Variants in SCNN1A observed in about 807,000 individuals in gnomAD.
SCNN1A encodes the protein sodium channel epithelial 1 subunit alpha, also known as epithelial sodium channel subunit alpha.
A neutral mutation model predicts 68.6 loss-of-function variants in SCNN1A; 65 were observed. The ratio of observed to expected loss-of-function variants is 0.95; its 90% CI spans 0.78 to 1.16. The LOEUF (loss-of-function observed/expected upper bound fraction) is 1.16, where lower values mean the gene tolerates loss of function less well. Ranked by LOEUF, SCNN1A falls within the 50% of genes most tolerant of loss-of-function variation. The pLI is 0.00. For missense variants in SCNN1A, 880 were observed against 865.9 expected (o/e 1.02, Z -0.20); for synonymous variants, 357 against 353.3 (o/e 1.01, Z -0.12).
chr12:6,355,572 C>A, intron 5 of SCNN1A, 137 bp from the exon 6 acceptor site: 1 of 1,088,598 alleles, frequency 9.2e-7, no homozygotes, highest in South Asian at 1.4e-5. Flanking sequence ...CGCAAAGGGA[C>A]CTGGCAACCC....
At chr12:6,371,174 C>G (rs1402404609) in intron 2 of SCNN1A, among the ~76,000 whole-genome samples, 1 of 152,098 alleles carries the variant, frequency 6.6e-6, no homozygotes, top group African/African-American at 2.4e-5. Flanking sequence ...CAGCCCTGGG[C>G]AGCTCTGCCT....
In SCNN1A at chr12:6,363,455, G is replaced by A. The variant is rs754885393; in HGVS notation, c.672C>T (p.Ile224=). The change falls in exon 3 of 13, where the codon ATC becomes ATT. Residue 224 remains isoleucine, a synonymous_variant. Transcript: ENST00000228916. The part of the protein sequence containing the change: ...NPQVDWKDWK[I]GFQLCNQNKS... ...CTGCGGGCCTCACCAGCTGGAAGCC[G>A]ATCTTCCAGTCCTTCCAGTCCACCT... is the stretch of plus-strand genomic sequence containing the variant. 1 of 1,591,960 alleles carries A rather than the reference G, an allele frequency of 6.3e-7. No individual in the cohort carries two copies. Among genetic ancestry groups the A allele is most frequent in the Non-Finnish European group, 8.5e-7 (1 of 1,171,064 alleles).
chr12:6,374,329 G>A lies in SCNN1A; in HGVS notation c.416+39C>T. 1 of 1,607,676 alleles carries A rather than the reference G, an allele frequency of 6.2e-7. No individual in the cohort carries two copies. ...CTCAGCACCCTGGACCACCCTTCCA[G>A]GCGCAGGCACCAGGGAAGGGGCAGA... is the stretch of plus-strand genomic sequence containing the variant. On this transcript the variant is annotated intron_variant, in intron 2 of 12. Transcript: ENST00000228916. The surrounding 1 kb of genome is among the most constrained non-coding windows in gnomAD (Gnocchi z 6.2).
At chr12:6,352,676 G>A (rs1045963949) in intron 8 of SCNN1A, among the ~76,000 whole-genome samples, 2 of 152,214 alleles carry the variant, frequency 1.3e-5, no homozygotes, top group Non-Finnish European at 2.9e-5. Context: ...CAGGAGATGA[G>A]GCCAGATGGC....
At chr12:6,360,948 C>T (rs975323176) in intron 4 of SCNN1A, among the ~76,000 whole-genome samples, 1 of 152,228 alleles carries the variant, frequency 6.6e-6, no homozygotes, top group Non-Finnish European at 1.5e-5. Context: ...CAAGTCACTT[C>T]ACCTGTTTGA....
At chr12:6,355,483 AAG>A in intron 5 of SCNN1A, 48 bp from the exon 6 acceptor site, 1 of 1,597,280 alleles carries the variant, frequency 6.3e-7, no homozygotes, top group Non-Finnish European at 8.6e-7. Context: ...AATCCTAGAA[AAG>A]AGTTAGGAGA....
At chr12:6,365,859 A>G (rs1948666812) in intron 2 of SCNN1A, among the ~76,000 whole-genome samples, 1 of 152,124 alleles carries the variant, frequency 6.6e-6, no homozygotes, top group African/African-American at 2.4e-5. Context: ...CACTTTATGA[A>G]CAGACCTACA....
In SCNN1A at chr12:6,363,647, G is replaced by T; in HGVS notation, c.480C>A (p.Asp160Glu). 1 of 1,612,036 alleles carries T rather than the reference G, an allele frequency of 6.2e-7. No homozygotes were observed. The highest frequency in any genetic ancestry group is 8.5e-7 in the Non-Finnish European group (1 of 1,178,948). ...LDRITEQTLF[D>E]LYKYSSFTTL... ...TGGTGAAGGAGCTGTATTTGTACAG[G>T]TCAAAGAGCGTCTGCTCTGTGATGC... The change falls in exon 3 of 13, where the codon GAC (aspartate) becomes GAA (glutamate). Residue 160 changes from aspartate to glutamate, a missense_variant. Transcript: ENST00000228916.
chr12:6,347,801 C>T lies in SCNN1A; in HGVS notation c.*72G>A. The stretch of plus-strand genomic sequence containing the variant: ...CTGAGAGGAAGCCCTGCACATCCTT[C>T]AATCTTGCCAGGGCCAGCACCCTCC... On this transcript the variant is annotated 3_prime_UTR_variant, in exon 13 of 13. Transcript: ENST00000228916. 1 of 1,351,210 alleles carries T rather than the reference C, an allele frequency of 7.4e-7. No homozygotes were observed. Among genetic ancestry groups the T allele is most frequent in the Non-Finnish European group, 1.0e-6 (1 of 959,582 alleles). The allele number at this position is 1,351,210 out of a possible 1,614,324, so 83.7% of individuals were successfully genotyped here.
intron 2 of SCNN1A, among the ~76,000 whole-genome samples, chr12:6,373,058 A>G (rs1948821365): frequency 6.6e-6 from 1 of 152,194 alleles, no homozygotes; most frequent in East Asian, 1.9e-4. Flanking sequence ...GCGTCTGTGC[A>G]CACGGCAGCT....
At chr12:6,366,166 A>G (rs1948676370) in intron 2 of SCNN1A, among the ~76,000 whole-genome samples, 1 of 152,120 alleles carries the variant, frequency 6.6e-6, no homozygotes, top group Non-Finnish European at 1.5e-5. Context: ...ACAGACCTAC[A>G]TTTTTAAAAG....
At chr12:6,360,243 A>G (rs1193665981) in intron 4 of SCNN1A, among the ~76,000 whole-genome samples, 2 of 152,214 alleles carry the variant, frequency 1.3e-5, no homozygotes, top group African/African-American at 4.8e-5. Flanking sequence ...ATAACAACCC[A>G]GGCGAGCAAT....
rs1948390193 is a variant in SCNN1A at position 6,351,688 on chromosome 12, T to A, written c.1361-2283A>T. On this transcript the variant is annotated intron_variant, in intron 8 of 12. Coordinates refer to ENST00000228916, the MANE Select transcript of SCNN1A (RefSeq NM_001038.6). The surrounding 1 kb of genome is among the most constrained non-coding windows in gnomAD (Gnocchi z 4.2). ...AATCCATAGAGAGAGAAAGAAAGAA[T>A]CGTGGTTGCCCAAGGGCTGGCAGTG... is the stretch of plus-strand genomic sequence containing the variant. Among the ~76,000 whole-genome samples the A allele has an allele frequency of 1.3e-5, 2 of 150,108 alleles. No homozygotes were observed. The highest frequency in any genetic ancestry group is 3.0e-5 in the Non-Finnish European group (2 of 67,520).
chr12:6,366,694 G>A (rs1417033277), intron 2 of SCNN1A, among the ~76,000 whole-genome samples: 1 of 152,092 alleles, frequency 6.6e-6, no homozygotes, highest in African/African-American at 2.4e-5. Context: ...CAGCTACTCG[G>A]GAGGCTGAGG....
chr12:6,352,065 GT>G (rs1211532893), intron 8 of SCNN1A, among the ~76,000 whole-genome samples: 2 of 152,080 alleles, frequency 1.3e-5, no homozygotes, highest in Non-Finnish European at 2.9e-5. Context: ...TGAGTACAGG[GT>G]TTCTTTTGGG....
Position 6,374,653 on chromosome 12 carries a change from T to TCCG in SCNN1A, c.128_130dup (p.Ala43dup), listed in dbSNP as rs1389854574. ...GTGGAACTCGATCAGGGCCTCCTCC[T>TCCG]CCGCCGTGGGCTGCTGGGGCGCCGC... On this transcript the variant is annotated inframe_insertion, in exon 2 of 13. Coordinates refer to ENST00000228916, the MANE Select transcript of SCNN1A (RefSeq NM_001038.6). The surrounding 1 kb of genome is among the most constrained non-coding windows in gnomAD (Gnocchi z 6.2). The TCCG allele has an allele frequency of 1.2e-6, 2 of 1,613,376 alleles. No individual in the cohort carries two copies.
upstream of SCNN1A, chr12:6,376,313 G>A (rs1948908133): frequency 3.0e-6 from 1 of 330,510 alleles, no homozygotes; most frequent in Admixed American, 6.5e-5. Flanking sequence ...GCTAGGCGGG[G>A]CCCTAGGACA....
chr12:6,359,078 C>T (rs1948542553), intron 4 of SCNN1A, among the ~76,000 whole-genome samples: 1 of 151,998 alleles, frequency 6.6e-6, no homozygotes, highest in Non-Finnish European at 1.5e-5. Context: ...GAGTGGCTCT[C>T]AGGGCTTGGA....
At chr12:6,366,089 C>A (rs960436993) in intron 2 of SCNN1A, among the ~76,000 whole-genome samples, 4 of 152,202 alleles carry the variant, frequency 2.6e-5, no homozygotes, top group South Asian at 2.1e-4. Context: ...CTCCTGACTT[C>A]GTGATCCGCC....
Sources: gnomAD v4.1 joint callset for allele counts (sites outside exome capture counted in the v4.1 genomes callset) on GRCh38, gnomAD v4.1.1 for gene constraint, Gnocchi (gnomAD v3.1) non-coding constraint, MANE v1.5 for transcripts, NCBI Gene and HGNC (gene_info 2026-07-23, HGNC 2026-07-21) for gene names.